The following SPAG1 variants were observed in gnomAD, a reference collection of about 807,000 sequenced individuals.
SPAG1 encodes the protein sperm associated antigen 1, also known as sperm-associated antigen 1.
A neutral mutation model predicts 100.5 loss-of-function variants in SPAG1; 69 were observed. The observed-to-expected ratio is 0.69, with a 90% confidence interval of 0.57 to 0.84. SPAG1 has a LOEUF of 0.84. Among genes scored for constraint, SPAG1 ranks in the 40% least tolerant of loss-of-function variants. The pLI is 0.00. For missense variants in SPAG1, 955 were observed against 1,133.1 expected (o/e 0.84, Z 2.26); for synonymous variants, 336 against 411.6 (o/e 0.82, Z 2.22).
At position 100,225,315 on chromosome 8, in the gene SPAG1, AGCCATCGCCAGCAGG is replaced by A. The variant is rs1818458982; in HGVS notation, c.1834_1848del (p.His612_Gly616del). ...CTCAAAACAAGCAGGAGACTCCAGC[AGCCATCGCCAGCAGG>A]GCATCACAGGTGGGGGATGCCTGCA... On this transcript the variant is annotated inframe_deletion, in exon 14 of 19. Transcript: ENST00000388798. 6.2e-7 allele frequency: 1 copy of A among 1,613,796 alleles called. No individual in the cohort carries two copies. Among genetic ancestry groups the A allele is most frequent in the Non-Finnish European group, 8.5e-7 (1 of 1,179,992 alleles).
chr8:100,236,220 A>G (rs965487547), intron 16 of SPAG1, among the ~76,000 whole-genome samples: 2 of 152,206 alleles, frequency 1.3e-5, no homozygotes, highest in African/African-American at 4.8e-5. Context: ...GAGTAATCCT[A>G]TCCCACTAGA....
chr8:100,169,709 G>A (rs1815732430), intron 3 of SPAG1, among the ~76,000 whole-genome samples: 1 of 152,130 alleles, frequency 6.6e-6, no homozygotes, highest in East Asian at 1.9e-4. Context: ...CTGAACTCCA[G>A]TCTGGATGAC....
intron 2 of SPAG1, chr8:100,165,107 T>A (rs1586385180): frequency 2.8e-6 from 1 of 357,060 alleles, no homozygotes; most frequent in East Asian, 7.8e-5. Flanking sequence ...AGTCTCATTA[T>A]TCATTGACTC....
intron 10 of SPAG1, among the ~76,000 whole-genome samples, chr8:100,200,815 T>C (rs1161758745): frequency 2.6e-5 from 4 of 152,194 alleles, no homozygotes; most frequent in African/African-American, 9.7e-5. Context: ...TCTTGTAAAT[T>C]TGTTTGAGTT....
intron 10 of SPAG1, 77 bp downstream of exon 10, chr8:100,194,345 T>C (rs775398815): frequency 1.9e-5 from 29 of 1,550,432 alleles, no homozygotes; most frequent in Middle Eastern, 1.7e-4. Context: ...TTTCTATTCG[T>C]ACAGAAATTC....
intron 1 of SPAG1, among the ~76,000 whole-genome samples, chr8:100,161,669 C>T (rs1815312245): frequency 1.3e-5 from 2 of 152,306 alleles, no homozygotes; most frequent in African/African-American, 4.8e-5. Context: ...TCTGAAGGAA[C>T]TCCCCAAACC....
At chr8:100,196,797 C>T (rs1317823158) in intron 10 of SPAG1, among the ~76,000 whole-genome samples, 1 of 151,946 alleles carries the variant, frequency 6.6e-6, no homozygotes, top group Non-Finnish European at 1.5e-5. Context: ...TTTTCTTTTT[C>T]AGAGATAGGG....
intron 7 of SPAG1, among the ~76,000 whole-genome samples, chr8:100,185,857 C>T (rs985964956): frequency 2.0e-5 from 3 of 152,078 alleles, no homozygotes; most frequent in African/African-American, 7.2e-5. Context: ...TTCAGTACAG[C>T]CTCCCCTGTT....
intron 3 of SPAG1, among the ~76,000 whole-genome samples, chr8:100,166,582 T>C (rs1360655231): frequency 1.3e-5 from 2 of 151,672 alleles, no homozygotes; most frequent in African/African-American, 4.8e-5. Flanking sequence ...TGCACCTCCC[T>C]GATTATTTCC....
chr8:100,160,203 G>T (rs73279009), intron 1 of SPAG1, among the ~76,000 whole-genome samples: 1 of 152,152 alleles, frequency 6.6e-6, no homozygotes, highest in Non-Finnish European at 1.5e-5. Context: ...TAAATGCAGC[G>T]AATGTTTCTG....
chr8:100,200,717 A>G (rs7009535), intron 10 of SPAG1, among the ~76,000 whole-genome samples: 68,702 of 151,838 alleles, frequency 0.45, 16,636 homozygotes, highest in African/African-American at 0.62. Flanking sequence ...GCATTTTTTC[A>G]TATGTCTGTT....
At chr8:100,229,907 C>T (rs947423783) in intron 14 of SPAG1, among the ~76,000 whole-genome samples, 5 of 152,226 alleles carry the variant, frequency 3.3e-5, no homozygotes, top group South Asian at 2.1e-4. Flanking sequence ...TCCAGCTCTC[C>T]ATCTTGGCCT....
In SPAG1 at chr8:100,191,466, AG is replaced by A; in HGVS notation, c.910del (p.Asp304MetfsTer20). 1 of 1,613,492 alleles carries A rather than the reference AG, an allele frequency of 6.2e-7. No homozygotes were observed. Among genetic ancestry groups the A allele is most frequent in the Non-Finnish European group, 8.5e-7 (1 of 1,179,410 alleles). ...CTACAGAAGATTTGAGTAAAGTACTAGATGTTGAGCCTGATAATGATTTGGC... is the reference window on the plus strand; with the variant it reads ...CTACAGAAGATTTGAGTAAAGTACTAATGTTGAGCCTGATAATGATTTGGC... ...EATEDLSKVL[D>X]VEPDNDLAKK... On this transcript the variant is annotated frameshift_variant, in exon 9 of 19. Transcript: ENST00000388798. LOFTEE classifies it high-confidence loss of function.
chr8:100,200,922 CT>C (rs1236062468), intron 10 of SPAG1, among the ~76,000 whole-genome samples: 5 of 151,888 alleles, frequency 3.3e-5, no homozygotes, highest in Admixed American at 2.6e-4. Flanking sequence ...TTGGTAGTTT[CT>C]TTTGCTGGAT....
chr8:100,218,854 T>G (rs1425415230), intron 12 of SPAG1, among the ~76,000 whole-genome samples: 1 of 152,224 alleles, frequency 6.6e-6, no homozygotes, highest in Non-Finnish European at 1.5e-5. Flanking sequence ...ACTCAAGAGT[T>G]CCTTCATTTG....
At chr8:100,220,504 A>G in intron 13 of SPAG1, 73 bp downstream of exon 13, 1 of 1,223,398 alleles carries the variant, frequency 8.2e-7, no homozygotes, top group Non-Finnish European at 1.1e-6. Context: ...CTTCAAGAAC[A>G]TGTCAAAATA....
At chr8:100,198,975 T>A (rs959596048) in intron 10 of SPAG1, among the ~76,000 whole-genome samples, 1 of 152,244 alleles carries the variant, frequency 6.6e-6, no homozygotes, top group Non-Finnish European at 1.5e-5. Context: ...TATGTAGAAA[T>A]AATATTCCAT....
At position 100,240,665 on chromosome 8, in the gene SPAG1, A is replaced by T; in HGVS notation, c.2543A>T (p.Asp848Val). 1 of 1,614,098 alleles carries T rather than the reference A, an allele frequency of 6.2e-7. No homozygotes were observed. The highest frequency in any genetic ancestry group is 8.5e-7 in the Non-Finnish European group (1 of 1,179,970). The change falls in exon 18 of 19, where the codon GAT (aspartate) becomes GTT (valine). Residue 848 changes from aspartate (D) to valine (V), a missense_variant. Transcript: ENST00000388798. ...PMFLSNKLEG[D>V]TFLLLIQSLK... ...TTTTTAAGTAACAAACTTGAAGGGG[A>T]TACATTCCTTCTCCTCATTCAGTCT...
intron 10 of SPAG1, among the ~76,000 whole-genome samples, chr8:100,204,305 T>A (rs1459903290): frequency 6.6e-6 from 1 of 152,034 alleles, no homozygotes; most frequent in African/African-American, 2.4e-5. Context: ...AGGTTGAGAG[T>A]GTGACCCATA....
Sources: allele counts gnomAD v4.1 joint callset (sites outside exome capture counted in the v4.1 genomes callset), GRCh38; gene constraint gnomAD v4.1.1; transcripts MANE v1.5; gene names NCBI Gene and HGNC (gene_info 2026-07-23, HGNC 2026-07-21).